DOCK7: variants seen among roughly 807,000 people sequenced by gnomAD.
DOCK7 encodes dedicator of cytokinesis 7.
DOCK7 carries 138 observed loss-of-function variants against 271.0 expected under a neutral mutation model. That is an observed-to-expected ratio of 0.51 (90% CI 0.44 to 0.59). The LOEUF is 0.59. Ranked by LOEUF, DOCK7 falls within the 20% of genes least tolerant of loss-of-function variation. The probability of loss-of-function intolerance (pLI) is 0.00; values close to 1 mark genes in which losing one functional copy is unlikely to be tolerated. For synonymous variants in DOCK7, 823 were observed against 876.1 expected (o/e 0.94, Z 1.07); for missense variants, 2,066 against 2,592.4 (o/e 0.80, Z 4.41).
intron 48 of DOCK7, among the ~76,000 whole-genome samples, chr1:62,471,901 T>A (rs1395426128): frequency 6.6e-6 from 1 of 152,116 alleles, no homozygotes; most frequent in African/African-American, 2.4e-5. Context: ...AATATAACCA[T>A]TAGAATAGTT....
At chr1:62,556,090 G>GT in intron 20 of DOCK7, 101 bp from the exon 21 acceptor site, 1 of 1,162,666 alleles carries the variant, frequency 8.6e-7, no homozygotes, top group Non-Finnish European at 1.2e-6. Context: ...TTTAAGTATA[G>GT]TGACTACACA....
chr1:62,687,821 G>A (rs978294342), intron 1 of DOCK7, among the ~76,000 whole-genome samples: 1 of 152,154 alleles, frequency 6.6e-6, no homozygotes, highest in Non-Finnish European at 1.5e-5. Flanking sequence ...AGGGGTGGGC[G>A]GAGAGACGGG....
Position 62,545,038 on chromosome 1 carries a change from C to A in DOCK7, c.2768G>T (p.Gly923Val). 1 of 1,548,060 alleles carries A rather than the reference C, an allele frequency of 6.5e-7. No homozygotes were observed. The highest frequency in any genetic ancestry group is 8.7e-7 in the Non-Finnish European group (1 of 1,145,590). ...DEVRSIIGSKGLDRSNSWVNT... is the reference protein window; with the variant it reads ...DEVRSIIGSKVLDRSNSWVNT... ...AACCCAGGAATTGGAGCGATCTAAA[C>A]CCTAAGCATATAATAGAAAGCAGTT... The change falls in exon 23 of 50, where the codon GGT (glycine) becomes GTT (valine). Residue 923 changes from glycine (G) to valine (V), a missense_variant and splice_region_variant. Transcript: ENST00000635253.
chr1:62,686,609 C>T (rs1197038147), intron 1 of DOCK7, among the ~76,000 whole-genome samples: 2 of 152,078 alleles, frequency 1.3e-5, no homozygotes, highest in African/African-American at 4.8e-5. Context: ...TGTTTGATGA[C>T]AGGTAGTATA....
intron 48 of DOCK7, 72 bp downstream of exon 48, chr1:62,473,910 A>C: frequency 8.1e-7 from 1 of 1,238,636 alleles, no homozygotes; most frequent in Non-Finnish European, 1.2e-6. Context: ...ATGGTTCCTT[A>C]AGGCCCTTAT....
At chr1:62,550,932 G>A (rs888137289) in intron 22 of DOCK7, among the ~76,000 whole-genome samples, 2 of 152,018 alleles carry the variant, frequency 1.3e-5, no homozygotes, top group Admixed American at 6.6e-5. Context: ...TGTTGGCCAG[G>A]CTGGTTTTGA....
intron 1 of DOCK7, among the ~76,000 whole-genome samples, chr1:62,674,185 AATTCC>A (rs1660305635): frequency 6.6e-6 from 1 of 152,210 alleles, no homozygotes; most frequent in South Asian, 2.1e-4. Context: ...AATATTTTTT[AATTCC>A]ATTCAAAAGA....
In DOCK7 at chr1:62,553,032, C is replaced by CTTTTT. The variant is rs66892340; in HGVS notation, c.2597-136_2597-132dup. The CTTTTT allele has an allele frequency of 5.1e-3, 850 of 168,178 alleles. 7 individuals carry two copies. Among genetic ancestry groups the CTTTTT allele is most frequent in the Non-Finnish European group, 5.7e-3 (635 of 111,074 alleles). 10.4% of individuals were successfully genotyped at this position (168,178 alleles called of 1,614,324 possible). ...CTTTGGTTTCTAAATAAAAAATATACTTTTTTTTTTTTTTTTTTTTTGAGA... is the reference window on the plus strand; with the variant it reads ...CTTTGGTTTCTAAATAAAAAATATACTTTTTTTTTTTTTTTTTTTTTTTTTTGAGA... On this transcript the variant is annotated intron_variant, in intron 21 of 49. Transcript: ENST00000635253.
intron 25 of DOCK7, among the ~76,000 whole-genome samples, chr1:62,540,286 G>A (rs190179164): frequency 2.6e-4 from 40 of 151,892 alleles, no homozygotes; most frequent in African/African-American, 9.2e-4. Context: ...TGATTTGCCT[G>A]CCTCAGCCTC....
intron 14 of DOCK7, chr1:62,602,177 A>C: frequency 1.1e-6 from 1 of 897,030 alleles, no homozygotes; most frequent in Non-Finnish European, 1.8e-6. Flanking sequence ...TAACATTAAT[A>C]AACTACCTTA....
chr1:62,500,776 T>C (rs1316867793), intron 37 of DOCK7, among the ~76,000 whole-genome samples: 1 of 152,232 alleles, frequency 6.6e-6, no homozygotes, highest in African/African-American at 2.4e-5. Context: ...CTGATAAGTT[T>C]TGCTGATTTT....
chr1:62,481,616 T>C (rs556601124), intron 43 of DOCK7: 3 of 152,194 alleles, frequency 2.0e-5, no homozygotes, highest in African/African-American at 7.2e-5. Flanking sequence ...TTTACTGTTA[T>C]GAATCCTTTC....
chr1:62,475,631 TG>T, intron 46 of DOCK7, 75 bp downstream of exon 46: 2 of 1,344,954 alleles, frequency 1.5e-6, no homozygotes, highest in Non-Finnish European at 2.1e-6. Flanking sequence ...ACATATCTTC[TG>T]GTACATCTGA....
At chr1:62,656,643 G>T (rs1335407319) in intron 2 of DOCK7, among the ~76,000 whole-genome samples, 1 of 152,112 alleles carries the variant, frequency 6.6e-6, no homozygotes, top group Admixed American at 6.5e-5. Context: ...GACTCTGAAA[G>T]GTATAGAGAA....
intron 33 of DOCK7, among the ~76,000 whole-genome samples, chr1:62,512,333 T>C (rs968919246): frequency 6.6e-6 from 1 of 152,218 alleles, no homozygotes; most frequent in Non-Finnish European, 1.5e-5. Flanking sequence ...TATGTCACTT[T>C]AGAATTTACA....
intron 23 of DOCK7, 58 bp from the exon 24 acceptor site, chr1:62,543,803 T>A: frequency 8.3e-7 from 1 of 1,208,116 alleles, no homozygotes; most frequent in Non-Finnish European, 1.2e-6. Flanking sequence ...GTGGATGACT[T>A]TGCAGCTGAT....
chr1:62,566,430 AAAAC>A (rs1646518159), intron 18 of DOCK7, among the ~76,000 whole-genome samples: 1 of 152,234 alleles, frequency 6.6e-6, no homozygotes, highest in Non-Finnish European at 1.5e-5. Context: ...AAATCTGACA[AAAAC>A]AAGCAATGGG....
At chr1:62,479,651 T>C (rs1273753863) in intron 43 of DOCK7, 2 of 295,448 alleles carry the variant, frequency 6.8e-6, no homozygotes, top group Non-Finnish European at 1.4e-5. Flanking sequence ...CATATATACA[T>C]ATACATTCCT....
intron 1 of DOCK7, among the ~76,000 whole-genome samples, chr1:62,679,541 A>G (rs1660881089): frequency 6.6e-6 from 1 of 152,238 alleles, no homozygotes; most frequent in South Asian, 2.1e-4. Context: ...ATAAACATAC[A>G]AAACAGAGCT....
Sources: allele counts gnomAD v4.1 joint callset (sites outside exome capture counted in the v4.1 genomes callset), GRCh38; gene constraint gnomAD v4.1.1; transcripts MANE v1.5; gene names NCBI Gene and HGNC (gene_info 2026-07-23, HGNC 2026-07-21).